PRKN: variants seen among roughly 807,000 people sequenced by gnomAD.
PRKN encodes parkin RBR E3 ubiquitin protein ligase.
A neutral mutation model predicts 59.5 loss-of-function variants in PRKN; 56 were observed. The ratio of observed to expected loss-of-function variants is 0.94; its 90% confidence interval spans 0.76 to 1.18. PRKN has a LOEUF of 1.18. Ranked by LOEUF, PRKN falls within the 50% of genes most tolerant of loss-of-function variation. The probability of loss-of-function intolerance (pLI) is 0.00; values close to 1 mark genes in which losing one functional copy is unlikely to be tolerated. For synonymous variants in PRKN, 250 were observed against 222.1 expected (o/e 1.13, Z -1.12); for missense variants, 657 against 596.4 (o/e 1.10, Z -1.06).
intron 9 of PRKN, among the ~76,000 whole-genome samples, chr6:161,510,542 G>T (rs1300070385): frequency 6.6e-6 from 1 of 152,158 alleles, no homozygotes; most frequent in African/African-American, 2.4e-5. Flanking sequence ...TTCAAACCCA[G>T]CAGGTTCAAT....
chr6:161,712,107 G>GACTAAT (rs1786775072), intron 7 of PRKN, among the ~76,000 whole-genome samples: 1 of 152,072 alleles, frequency 6.6e-6, no homozygotes, highest in African/African-American at 2.4e-5. Context: ...AGAGAACCCT[G>GACTAAT]ACTAATACAT....
intron 1 of PRKN, among the ~76,000 whole-genome samples, chr6:162,600,356 T>C (rs770600978): frequency 6.6e-6 from 1 of 152,230 alleles, no homozygotes; most frequent in African/African-American, 2.4e-5. Context: ...GTGCCACAAA[T>C]TGTTTATTCT....
intron 2 of PRKN, among the ~76,000 whole-genome samples, chr6:162,321,048 G>C (rs550986497): frequency 7.9e-5 from 12 of 151,904 alleles, no homozygotes; most frequent in African/African-American, 2.9e-4. Context: ...CACTGGTTGA[G>C]AAAACAGAAC....
intron 6 of PRKN, among the ~76,000 whole-genome samples, chr6:161,831,411 G>A (rs940657535): frequency 2.6e-5 from 4 of 152,182 alleles, no homozygotes; most frequent in African/African-American, 7.2e-5. Flanking sequence ...AAATCAACAC[G>A]AAGTGACAGA....
At position 162,054,190 on chromosome 6, in the gene PRKN, AC is replaced by A; in HGVS notation, c.535-17del. Reference sequence around the variant, plus strand: ...AAGATGGACCCTTTGGGAAAAAACAACAATATATGCTTATATGAGTTATAAT... The same window carrying A: ...AAGATGGACCCTTTGGGAAAAAACAAAATATATGCTTATATGAGTTATAAT... On this transcript the variant is annotated splice_polypyrimidine_tract_variant and intron_variant, in intron 4 of 11. Coordinates refer to ENST00000366898, the MANE Select transcript of PRKN (RefSeq NM_004562.3). The A allele has an allele frequency of 6.8e-7, 1 of 1,481,060 alleles. No homozygotes were observed. The highest frequency in any genetic ancestry group is 9.4e-7 in the Non-Finnish European group (1 of 1,058,908). The allele number at this position is 1,481,060 out of a possible 1,614,324, so 91.7% of individuals were successfully genotyped here.
chr6:161,506,949 A>G (rs367736611), intron 9 of PRKN, among the ~76,000 whole-genome samples: 1 of 152,132 alleles, frequency 6.6e-6, no homozygotes, highest in South Asian at 2.1e-4. Flanking sequence ...CAGGAGGCTG[A>G]GGAGGGGCAT....
At chr6:161,476,512 A>G (rs945033591) in intron 9 of PRKN, among the ~76,000 whole-genome samples, 2 of 152,214 alleles carry the variant, frequency 1.3e-5, no homozygotes, top group Non-Finnish European at 2.9e-5. Flanking sequence ...GAAAATCTAA[A>G]TATTTATGCG....
intron 1 of PRKN, among the ~76,000 whole-genome samples, chr6:162,696,327 C>A (rs993256636): frequency 4.6e-5 from 7 of 152,144 alleles, no homozygotes; most frequent in Non-Finnish European, 8.8e-5. Context: ...GAAAGTGCCA[C>A]GCTCAAGAAA....
chr6:161,636,011 C>T (rs565909782), intron 7 of PRKN, among the ~76,000 whole-genome samples: 1 of 152,316 alleles, frequency 6.6e-6, no homozygotes, highest in East Asian at 1.9e-4. Context: ...AACCCTGACA[C>T]CCTGCAACCT....
intron 2 of PRKN, among the ~76,000 whole-genome samples, chr6:162,346,589 C>G (rs1430548009): frequency 6.6e-6 from 1 of 152,058 alleles, no homozygotes; most frequent in Non-Finnish European, 1.5e-5. Flanking sequence ...CCACTGTACT[C>G]TAGCCTGGGT....
At chr6:162,294,342 A>C (rs574875270) in intron 2 of PRKN, among the ~76,000 whole-genome samples, 2 of 150,830 alleles carry the variant, frequency 1.3e-5, no homozygotes, top group Admixed American at 6.6e-5. Context: ...AGGTGAACAG[A>C]GAGAGAGGAG....
At chr6:162,715,524 G>A in intron 1 of PRKN, among the ~76,000 whole-genome samples, 1 of 152,134 alleles carries the variant, frequency 6.6e-6, no homozygotes, top group Middle Eastern at 3.2e-3. Context: ...GATCCTAAGT[G>A]GGAAGCTGTG....
At chr6:162,132,435 T>C (rs1450889584) in intron 4 of PRKN, among the ~76,000 whole-genome samples, 2 of 152,154 alleles carry the variant, frequency 1.3e-5, no homozygotes, top group African/African-American at 4.8e-5. Flanking sequence ...AGTCTCCTCC[T>C]AATAATTAGC....
chr6:161,902,560 A>ATCTATTTTTTTT (rs1554245457), intron 6 of PRKN, among the ~76,000 whole-genome samples: 1,570 of 125,062 alleles, frequency 0.013, 32 homozygotes, highest in Non-Finnish European at 0.017. Flanking sequence ...TTATTTATTT[A>ATCTATTTTTTTT]TTTATTTTTT....
intron 2 of PRKN, among the ~76,000 whole-genome samples, chr6:162,328,403 C>T (rs375348740): frequency 9.2e-5 from 14 of 152,216 alleles, no homozygotes; most frequent in African/African-American, 2.9e-4. Context: ...AACAAGCACA[C>T]GTGAGAAGCC....
chr6:161,820,559 T>A (rs929259494), intron 6 of PRKN, among the ~76,000 whole-genome samples: 1 of 147,262 alleles, frequency 6.8e-6, no homozygotes, highest in Admixed American at 6.8e-5. Flanking sequence ...TTATAAAAAA[T>A]TACAAATAAA....
rs35609309 is a variant in PRKN, at chr6:162,284,215, C to CTTTTTT, written c.172-21456_172-21451dup. On this transcript the variant is annotated intron_variant, in intron 2 of 11. Coordinates refer to ENST00000366898, the MANE Select transcript of PRKN (RefSeq NM_004562.3). ...TATTTATGTATTGTGTTATTTCTTTCTTTTTTTTTTTTTTTTTTTTTTTTT... is the reference window on the plus strand; with the variant it reads ...TATTTATGTATTGTGTTATTTCTTTCTTTTTTTTTTTTTTTTTTTTTTTTTTTTTTT... Among the ~76,000 whole-genome samples, 166 of 75,662 alleles carry CTTTTTT rather than the reference C, an allele frequency of 2.2e-3. 13 individuals are homozygous for CTTTTTT. Among genetic ancestry groups the CTTTTTT allele is most frequent in the East Asian group, 9.8e-3 (14 of 1,434 alleles). The allele number at this position is 75,662 out of a possible 152,430, so 49.6% of individuals were successfully genotyped here.
intron 5 of PRKN, among the ~76,000 whole-genome samples, chr6:162,031,406 A>T (rs906108891): frequency 7.5e-6 from 1 of 132,464 alleles, no homozygotes; most frequent in Non-Finnish European, 1.5e-5. Context: ...TCAACATCTA[A>T]TCCTTTTTTT....
At chr6:161,658,455 T>C (rs948560365) in intron 7 of PRKN, among the ~76,000 whole-genome samples, 14 of 152,312 alleles carry the variant, frequency 9.2e-5, no homozygotes, top group Admixed American at 7.2e-4. Flanking sequence ...CTTTGAAAAG[T>C]CAACCAGTGG....
Sources: gnomAD v4.1 joint callset for allele counts (sites outside exome capture counted in the v4.1 genomes callset) on GRCh38, gnomAD v4.1.1 for gene constraint, MANE v1.5 for transcripts, NCBI Gene and HGNC (gene_info 2026-07-23, HGNC 2026-07-21) for gene names.